Variants in GLIS3 observed in about 807,000 individuals in gnomAD.
The protein encoded by GLIS3 is zinc finger protein GLIS3.
A neutral mutation model predicts 78.6 loss-of-function variants in GLIS3; 53 were observed. The observed-to-expected ratio is 0.67, with a 90% CI of 0.54 to 0.85. The LOEUF (loss-of-function observed/expected upper bound fraction) is 0.85, where lower values mean the gene tolerates loss of function less well. Among genes scored for constraint, GLIS3 ranks in the 40% least tolerant of loss-of-function variants. GLIS3 has a pLI of 0.00. For missense variants in GLIS3, 1,703 were observed against 1,231.1 expected, an observed-to-expected ratio of 1.38 and a Z score of -5.74; for synonymous variants, 684 against 509.9, an observed-to-expected ratio of 1.34 and a Z score of -4.60.
intron 6 of GLIS3, among the ~76,000 whole-genome samples, chr9:3,899,641 A>T (rs1049033985): frequency 6.6e-6 from 1 of 152,240 alleles, no homozygotes; most frequent in Non-Finnish European, 1.5e-5. Flanking sequence ...TGCAAATGGT[A>T]ATCATCTTTG....
intron 4 of GLIS3, among the ~76,000 whole-genome samples, chr9:4,099,919 T>C (rs1288765342): frequency 6.6e-6 from 1 of 152,244 alleles, no homozygotes; most frequent in Non-Finnish European, 1.5e-5. Flanking sequence ...GACTTCGTCA[T>C]CTGTTTAATA....
rs796756997 is a variant in GLIS3, at chr9:4,275,601, A to AT, written c.388+10436dup. Reference sequence around the variant, plus strand: ...ACAACAAGATCCCATCTCTACAAAAATTAAAAAAAAAAAAAGCCAGGTGTG... The same window carrying AT: ...ACAACAAGATCCCATCTCTACAAAAATTTAAAAAAAAAAAAAGCCAGGTGTG... On this transcript the variant is annotated intron_variant, in intron 2 of 10. Transcript: ENST00000381971. 5.4e-3 allele frequency among the ~76,000 whole-genome samples: 718 copies of AT among 133,772 alleles called. 5 individuals are homozygous for AT. The highest frequency in any genetic ancestry group is 0.019 in the African/African-American group (687 of 36,014). The allele number at this position is 133,772 out of a possible 152,430, so 87.8% of individuals were successfully genotyped here. A position where few individuals can be genotyped will look rare whatever the true frequency, so the allele number is the denominator to read the frequency against.
intron 9 of GLIS3, among the ~76,000 whole-genome samples, chr9:3,846,144 C>T (rs1275269348): frequency 6.6e-6 from 1 of 152,206 alleles, no homozygotes; most frequent in African/African-American, 2.4e-5. Context: ...TTGCAAATCA[C>T]AGCACCTCTA....
intron 6 of GLIS3, among the ~76,000 whole-genome samples, chr9:3,908,719 T>G (rs891090969): frequency 3.4e-5 from 5 of 145,600 alleles, no homozygotes; most frequent in African/African-American, 1.3e-4. Context: ...TTTTTTTTTT[T>G]TTTTTTTTTG....
chr9:4,461,969 T>C, the GLIS3 span, among the ~76,000 whole-genome samples: 21 of 152,218 alleles, frequency 1.4e-4, no homozygotes, highest in African/African-American at 4.8e-4. Context: ...ATATAAATAT[T>C]ATAATAATTG....
At chr9:4,359,709 G>A in the GLIS3 span, among the ~76,000 whole-genome samples, 1 of 152,104 alleles carries the variant, frequency 6.6e-6, no homozygotes, top group Non-Finnish European at 1.5e-5. Context: ...TGGCTCTTGG[G>A]AGTACAATAA....
intron 7 of GLIS3, chr9:3,898,201 T>C (rs1363434175): frequency 4.8e-6 from 1 of 206,690 alleles, no homozygotes; most frequent in Non-Finnish European, 9.9e-6. Flanking sequence ...GGTCTGGGAG[T>C]GTCATCCCAT....
chr9:3,900,186 TAAA>T (rs112638097), intron 6 of GLIS3, among the ~76,000 whole-genome samples: 5 of 128,850 alleles, frequency 3.9e-5, no homozygotes, highest in Admixed American at 7.9e-5. Context: ...CAGAAACTGT[TAAA>T]AAAAAAAAAA....
chr9:4,263,841 T>C (rs1825747628), intron 2 of GLIS3, among the ~76,000 whole-genome samples: 1 of 152,196 alleles, frequency 6.6e-6, no homozygotes, highest in Non-Finnish European at 1.5e-5. Flanking sequence ...TCCTACCTCA[T>C]TGCCTGCATC....
intron 9 of GLIS3, among the ~76,000 whole-genome samples, chr9:3,851,469 CAAA>C (rs1186871921): frequency 1.3e-5 from 2 of 152,144 alleles, no homozygotes; most frequent in African/African-American, 4.8e-5. Flanking sequence ...CTAATGAAGG[CAAA>C]ATGAATGAAT....
intron 2 of GLIS3, among the ~76,000 whole-genome samples, chr9:4,178,678 C>A (rs1586891286): frequency 6.6e-6 from 1 of 152,150 alleles, no homozygotes; most frequent in African/African-American, 2.4e-5. Flanking sequence ...AAATTTTCTA[C>A]AGAAATTCAG....
intron 4 of GLIS3, among the ~76,000 whole-genome samples, chr9:4,003,748 G>A (rs1821310460): frequency 6.6e-6 from 1 of 152,184 alleles, no homozygotes. Context: ...AAAGTTCCCA[G>A]GACAGTCATC....
intron 2 of GLIS3, among the ~76,000 whole-genome samples, chr9:4,210,184 T>C (rs1206225382): frequency 6.6e-6 from 1 of 152,228 alleles, no homozygotes; most frequent in African/African-American, 2.4e-5. Flanking sequence ...ATTCCAGTAA[T>C]AGAAGCCCCA....
chr9:4,065,583 T>C (rs1009222781), intron 4 of GLIS3, among the ~76,000 whole-genome samples: 4 of 152,206 alleles, frequency 2.6e-5, no homozygotes, highest in African/African-American at 9.6e-5. Context: ...AACAGGCTTA[T>C]GAAAAACAGC....
intron 2 of GLIS3, among the ~76,000 whole-genome samples, chr9:4,247,737 C>T (rs1393078032): frequency 6.6e-6 from 1 of 151,898 alleles, no homozygotes; most frequent in African/African-American, 2.4e-5. Context: ...CTGAGAAAAT[C>T]CCAAGATTAT....
the GLIS3 span, among the ~76,000 whole-genome samples, chr9:4,433,976 A>T: frequency 6.6e-6 from 1 of 151,912 alleles, no homozygotes; most frequent in African/African-American, 2.4e-5. Context: ...CAAGCCTGTA[A>T]TCCCAGCTAC....
intron 2 of GLIS3, among the ~76,000 whole-genome samples, chr9:4,314,040 T>G (rs184843511): frequency 2.6e-5 from 4 of 152,336 alleles, no homozygotes; most frequent in Admixed American, 2.6e-4. Context: ...TTGCCTGAGT[T>G]TAAGCCAACT....
At chr9:4,407,866 T>C in the GLIS3 span, among the ~76,000 whole-genome samples, 3 of 152,134 alleles carry the variant, frequency 2.0e-5, no homozygotes, top group East Asian at 3.9e-4. Context: ...CACTACCCAT[T>C]TGACAAAGTG....
At chr9:3,898,429 G>C in intron 7 of GLIS3, 1 of 510,184 alleles carries the variant, frequency 2.0e-6, no homozygotes, top group Non-Finnish European at 3.6e-6. Flanking sequence ...AACTGCGAGG[G>C]TTGGGTACAC....
Sources: gnomAD v4.1 joint callset for allele counts (sites outside exome capture counted in the v4.1 genomes callset) on GRCh38, gnomAD v4.1.1 for gene constraint, MANE v1.5 for transcripts, NCBI Gene and HGNC (gene_info 2026-07-23, HGNC 2026-07-21) for gene names.